The following NOTCH2 variants were observed in gnomAD, a reference collection of about 807,000 sequenced individuals.
NOTCH2 encodes the protein notch receptor 2, also known as neurogenic locus notch homolog protein 2.
In NOTCH2, 29 loss-of-function variants were observed where a neutral mutation model predicts 235.8. That is an observed-to-expected ratio of 0.12 (90% CI 0.09 to 0.17). The LOEUF (loss-of-function observed/expected upper bound fraction) is 0.17. Ranked by LOEUF, NOTCH2 falls within the 10% of genes least tolerant of loss-of-function variation. NOTCH2 has a pLI of 1.00. For missense variants in NOTCH2, 2,285 were observed against 3,150.2 expected (o/e 0.73, Z 6.57); for synonymous variants, 1,086 against 1,141.5 (o/e 0.95, Z 0.98).
intron 25 of NOTCH2, 131 bp downstream of exon 25, chr1:119,925,174 G>C: frequency 1.7e-6 from 2 of 1,146,260 alleles, no homozygotes; most frequent in Non-Finnish European, 2.6e-6. Flanking sequence ...TGTGCGATGG[G>C]ACAAGGCTGG....
intron 3 of NOTCH2, among the ~76,000 whole-genome samples, chr1:120,000,590 C>A (rs1553205169): frequency 1.4e-5 from 2 of 144,684 alleles, no homozygotes; most frequent in Non-Finnish European, 3.0e-5. Context: ...AAGAAGAGAT[C>A]CTTCTTAACA....
chr1:119,969,719 A>C lies in NOTCH2; in HGVS notation c.900T>G (p.Asp300Glu). The change falls in exon 6 of 34, where the codon GAT (aspartate) becomes GAG (glutamate). Residue 300 changes from aspartate (D) to glutamate (E), a missense_variant. This residue lies in a region of NOTCH2 where 431 missense variants were observed against 757.8 expected (regional missense o/e 0.57). Transcript: ENST00000256646. ...WTGQFCTEDV[D>E]ECLLQPNACQ... ...AGGCATTGGGCTGCAGCAGGCATTC[A>C]TCCACATCCTCTGTGCAGAACTGTC... is the stretch of plus-strand genomic sequence containing the variant. The C allele has an allele frequency of 6.2e-7, 1 of 1,614,114 alleles. No homozygotes were observed. Among genetic ancestry groups the C allele is most frequent in the Non-Finnish European group, 8.5e-7 (1 of 1,179,970 alleles).
Position 119,921,772 on chromosome 1 carries a change from C to A in NOTCH2, c.5251G>T (p.Gly1751Cys). The A allele has an allele frequency of 6.2e-7, 1 of 1,614,082 alleles. No individual in the cohort carries two copies. The highest frequency in any genetic ancestry group is 8.5e-7 in the Non-Finnish European group (1 of 1,179,952). The part of the protein sequence containing the change: ...SVQVSEANLI[G>C]TGTSEHWVDD... ...ACCCAGTGTTCACTTGTTCCAGTAC[C>A]AATTAGGTTAGCTTCTGAGACTTGC... The change falls in exon 29 of 34, where the codon GGT becomes TGT. Residue 1751 changes from glycine to cysteine, a missense_variant. By Grantham distance (159) the Gly-to-Cys change is radical. Coordinates refer to ENST00000256646, the MANE Select transcript of NOTCH2 (RefSeq NM_024408.4).
rs1433958314 is a variant in NOTCH2, at chr1:119,916,321, G to C, written c.6401C>G (p.Ser2134Cys). 6.2e-7 allele frequency: 1 copy of C among 1,614,210 alleles called. No homozygotes were observed. The highest frequency in any genetic ancestry group is 1.3e-5 in the African/African-American group (1 of 75,062). Residue 2134 changes from serine to cysteine, a missense_variant, in exon 34 of 34, where the codon TCT (serine) becomes TGT (cysteine). By Grantham distance (112) the Ser-to-Cys change is moderately radical. Around this residue, in one of 6 missense-constraint regions of NOTCH2, gnomAD observed 504 missense variants for 538.0 expected, o/e 0.94. Coordinates refer to ENST00000256646, the MANE Select transcript of NOTCH2 (RefSeq NM_024408.4). Reference protein sequence around the residue: ...KDAKGSRRKKSLSEKVQLSES... With the variant: ...KDAKGSRRKKCLSEKVQLSES... The stretch of plus-strand genomic sequence containing the variant: ...AGACAGTTGGACCTTCTCACTCAGA[G>C]ACTTCTTCCTCCTACTACCCTTGGC...
chr1:119,966,996 T>C (rs1431942612), intron 8 of NOTCH2, among the ~76,000 whole-genome samples: 1 of 152,214 alleles, frequency 6.6e-6, no homozygotes, highest in Non-Finnish European at 1.5e-5. Flanking sequence ...ACATGGTCTA[T>C]GCAGAAGAGC....
At chr1:119,932,179 A>T (rs587752188) in intron 22 of NOTCH2, among the ~76,000 whole-genome samples, 1 of 152,260 alleles carries the variant, frequency 6.6e-6, no homozygotes, top group African/African-American at 2.4e-5. Context: ...ATTTCTGAAA[A>T]TTTATTTCAC....
chr1:120,041,066 AAAAAAATAT>A (rs1654539264), intron 1 of NOTCH2, among the ~76,000 whole-genome samples: 2 of 113,058 alleles, frequency 1.8e-5, no homozygotes, highest in African/African-American at 1.3e-4. Context: ...AAAAAAAAAA[AAAAAAATAT>A]ATATATATAT....
At chr1:119,973,668 A>G (rs1319737597) in intron 5 of NOTCH2, among the ~76,000 whole-genome samples, 1 of 152,084 alleles carries the variant, frequency 6.6e-6, no homozygotes, top group Non-Finnish European at 1.5e-5. Context: ...ACAGTTAAGG[A>G]ACACTCGTAT....
In NOTCH2 at chr1:119,919,644, CAAG is replaced by C. The variant is rs762201268; in HGVS notation, c.5480-34_5480-32del. On this transcript the variant is annotated intron_variant, in intron 30 of 33. Coordinates refer to ENST00000256646, the MANE Select transcript of NOTCH2 (RefSeq NM_024408.4). The stretch of plus-strand genomic sequence containing the variant: ...GGAATGGAAAATTCCATAAAGTACT[CAAG>C]AAGGAGAAGGTAGTTAACCCTATGG... The C allele has an allele frequency of 3.7e-6, 6 of 1,606,024 alleles. No homozygotes were observed. In the South Asian group the frequency reaches 5.5e-5, roughly 15 times the overall value.
chr1:119,984,625 T>G (rs587619930), intron 5 of NOTCH2, among the ~76,000 whole-genome samples: 2 of 152,230 alleles, frequency 1.3e-5, no homozygotes, highest in South Asian at 2.1e-4. Flanking sequence ...GACACAAAAT[T>G]TTCCTTCTGT....
At chr1:120,004,970 T>C (rs587703481) in intron 3 of NOTCH2, among the ~76,000 whole-genome samples, 2 of 152,308 alleles carry the variant, frequency 1.3e-5, no homozygotes, top group South Asian at 4.1e-4. Context: ...TGTTTTTTTG[T>C]AGAGATGGGG....
rs1557834016 is a variant in NOTCH2 at position 119,986,945 on chromosome 1, C to A, written c.874+15G>T. On this transcript the variant is annotated intron_variant, in intron 5 of 33. Coordinates refer to ENST00000256646, the MANE Select transcript of NOTCH2 (RefSeq NM_024408.4). ...TCCATATCCCATTCTGGTGGATTCT[C>A]CACACTGTACATACCTGTCCATTGT... The A allele has an allele frequency of 1.9e-6, 3 of 1,613,408 alleles. No homozygotes were observed. The highest frequency in any genetic ancestry group is 2.5e-6 in the Non-Finnish European group (3 of 1,179,470).
chr1:119,915,682 C>G lies in NOTCH2; in HGVS notation c.7040G>C (p.Arg2347Pro), dbSNP rs201993620. 1 of 1,612,788 alleles carries G rather than the reference C, an allele frequency of 6.2e-7. No homozygotes were observed. Among genetic ancestry groups the G allele is most frequent in the East Asian group, 2.2e-5 (1 of 44,870 alleles). ...PTMYQIPEMA[R>P]LPSVAFPTAM... ...AGTGGGGAAAGCCACACTGGGCAAA[C>G]GGGCCATTTCTGGAATCTGGTACAT... Residue 2347 changes from arginine (R) to proline (P), a missense_variant, in exon 34 of 34, where the codon CGT becomes CCT. Around this residue, in one of 6 missense-constraint regions of NOTCH2, gnomAD observed 504 missense variants for 538.0 expected, o/e 0.94. Transcript: ENST00000256646.
At chr1:119,957,453 AT>A (rs1650748341) in intron 12 of NOTCH2, among the ~76,000 whole-genome samples, 1 of 152,218 alleles carries the variant, frequency 6.6e-6, no homozygotes, top group Non-Finnish European at 1.5e-5. Context: ...AAACAAAAAA[AT>A]CCCCTTTAAA....
chr1:119,968,798 A>G (rs1428882150), intron 6 of NOTCH2, among the ~76,000 whole-genome samples: 1 of 152,194 alleles, frequency 6.6e-6, no homozygotes, highest in Non-Finnish European at 1.5e-5. Flanking sequence ...CCTGTTTTAT[A>G]TAGTTCACAT....
intron 5 of NOTCH2, among the ~76,000 whole-genome samples, chr1:119,985,159 T>G (rs1553202076): frequency 6.6e-6 from 1 of 152,146 alleles, no homozygotes; most frequent in East Asian, 1.9e-4. Flanking sequence ...ATCTTAGACT[T>G]TCTCCTGTTG....
At chr1:119,944,976 G>C (rs1553196890) in intron 17 of NOTCH2, among the ~76,000 whole-genome samples, 2 of 151,930 alleles carry the variant, frequency 1.3e-5, no homozygotes, top group Non-Finnish European at 2.9e-5. Context: ...GTAACTTAAA[G>C]ACTTTTAAAT....
intron 13 of NOTCH2, 25 bp downstream of exon 13, chr1:119,955,015 A>G (rs782262827): frequency 6.8e-6 from 11 of 1,611,938 alleles, no homozygotes; most frequent in South Asian, 6.6e-5. Context: ...TCAATAAGAA[A>G]CTATCACATG....
Position 119,925,392 on chromosome 1 carries a change from T to A in NOTCH2, c.4424A>T (p.Tyr1475Phe), listed in dbSNP as rs751003534. 8 of 1,614,176 alleles carry A rather than the reference T, an allele frequency of 5.0e-6. No individual in the cohort carries two copies. The Admixed American group carries it at 1.3e-4, about 27-fold the overall frequency. Reference protein sequence around the residue: ...NCSSPLPCWDYINNQCDELCN... With the variant: ...NCSSPLPCWDFINNQCDELCN... ...CAGCTCATCACACTGGTTGTTGATA[T>A]AATCCCAGCAGGGAAGTGGGGAGGA... The change falls in exon 25 of 34, where the codon TAT (tyrosine) becomes TTT (phenylalanine). Residue 1475 changes from tyrosine (Y) to phenylalanine (F), a missense_variant. This residue lies in a region of NOTCH2 where 1,173 missense variants were observed against 1,515.3 expected (regional missense o/e 0.77). Transcript: ENST00000256646.
Sources: gnomAD v4.1 joint callset for allele counts (sites outside exome capture counted in the v4.1 genomes callset) on GRCh38, gnomAD v4.1.1 for gene constraint, gnomAD v4.1.1 regional missense constraint, MANE v1.5 for transcripts, NCBI Gene and HGNC (gene_info 2026-07-23, HGNC 2026-07-21) for gene names.